GNAT3: variants seen among roughly 807,000 people sequenced by gnomAD.
GNAT3 encodes guanine nucleotide-binding protein G(t) subunit alpha-3.
GNAT3 carries 31 observed loss-of-function variants against 37.7 expected under a neutral mutation model. That is an observed-to-expected ratio of 0.82 (90% CI 0.62 to 1.11). The LOEUF is 1.11. GNAT3 is among the 50% of genes most tolerant of loss of function. The pLI, the probability that GNAT3 is intolerant of heterozygous loss-of-function variation, is 0.00. For synonymous variants in GNAT3, 138 were observed against 139.8 expected (o/e 0.99, Z 0.09); for missense variants, 437 against 412.5 (o/e 1.06, Z -0.51).
intron 1 of GNAT3, among the ~76,000 whole-genome samples, chr7:80,497,552 G>A (rs575850559): frequency 4.6e-5 from 6 of 130,254 alleles, no homozygotes; most frequent in Admixed American, 1.6e-4. Context: ...ACACATATAC[G>A]TATATACATA....
intron 1 of GNAT3, among the ~76,000 whole-genome samples, chr7:80,507,590 G>A (rs115404636): frequency 6.6e-6 from 1 of 151,872 alleles, no homozygotes. Context: ...CTAGCCTAAG[G>A]TCACTCTGGG....
intron 1 of GNAT3, among the ~76,000 whole-genome samples, chr7:80,509,465 G>C (rs1791014241): frequency 6.6e-6 from 1 of 152,064 alleles, no homozygotes; most frequent in Non-Finnish European, 1.5e-5. Context: ...TGATGAAATT[G>C]TATGTATAAA....
chr7:80,495,037 C>T (rs986032792), intron 1 of GNAT3, among the ~76,000 whole-genome samples: 2 of 152,012 alleles, frequency 1.3e-5, no homozygotes, highest in Non-Finnish European at 2.9e-5. Flanking sequence ...TCTCCAGTTC[C>T]ATCCATTTGC....
intron 3 of GNAT3, among the ~76,000 whole-genome samples, chr7:80,481,450 C>A (rs1790391241): frequency 6.6e-6 from 1 of 152,154 alleles, no homozygotes; most frequent in Non-Finnish European, 1.5e-5. Context: ...AACATTGAAA[C>A]AGAGATCTTA....
In GNAT3 at chr7:80,488,576, T is replaced by C. The variant is rs761717231; in HGVS notation, c.262A>G (p.Met88Val). The C allele has an allele frequency of 1.9e-6, 3 of 1,601,060 alleles. No homozygotes were observed. The highest frequency in any genetic ancestry group is 1.1e-5 in the South Asian group (1 of 88,910). The change falls in exon 3 of 8, where the codon ATG becomes GTG. Residue 88 changes from methionine to valine, a missense_variant. Coordinates refer to ENST00000398291, the MANE Select transcript of GNAT3 (RefSeq NM_001102386.3). ...LQSILAIVKAMTTLGIDYVNP... is the reference protein window; with the variant it reads ...LQSILAIVKAVTTLGIDYVNP... ...ACATAATCAATTCCAAGGGTAGTCATGGCTTTCACAATAGCTAGGATGGAT... is the reference window on the plus strand; with the variant it reads ...ACATAATCAATTCCAAGGGTAGTCACGGCTTTCACAATAGCTAGGATGGAT...
chr7:80,461,325 A>G (rs1007868226), intron 7 of GNAT3, among the ~76,000 whole-genome samples: 1 of 152,076 alleles, frequency 6.6e-6, no homozygotes, highest in Non-Finnish European at 1.5e-5. Flanking sequence ...AGGTGGACAG[A>G]TCACCTGAGG....
intron 3 of GNAT3, among the ~76,000 whole-genome samples, chr7:80,486,109 A>C (rs2116185534): frequency 6.6e-6 from 1 of 152,342 alleles, no homozygotes; most frequent in South Asian, 2.1e-4. Flanking sequence ...TCTGTTAAAT[A>C]AACAATTTTA....
chr7:80,509,463 TTG>T (rs1791014189), intron 1 of GNAT3, among the ~76,000 whole-genome samples: 1 of 152,126 alleles, frequency 6.6e-6, no homozygotes, highest in Non-Finnish European at 1.5e-5. Context: ...AATGATGAAA[TTG>T]TATGTATAAA....
chr7:80,481,171 T>C (rs923770710), intron 3 of GNAT3, among the ~76,000 whole-genome samples: 1 of 152,212 alleles, frequency 6.6e-6, no homozygotes, highest in Admixed American at 6.5e-5. Flanking sequence ...TAACTTATTC[T>C]ATCTTTCTTC....
rs577839922 is a variant in GNAT3, at chr7:80,483,627, C to G, written c.304-4629G>C. ...TTTTGATCCCCTCTTTCCCTCCTTT[C>G]TCCCTTTCTCTCCCTGCCACCAAGA... On this transcript the variant is annotated intron_variant, in intron 3 of 7. Coordinates refer to ENST00000398291, the MANE Select transcript of GNAT3 (RefSeq NM_001102386.3). Among the ~76,000 whole-genome samples, 7 of 152,192 alleles carry G rather than the reference C, an allele frequency of 4.6e-5. No homozygotes were observed. In the South Asian group the frequency reaches 1.5e-3, roughly 32 times the overall value.
intron 1 of GNAT3, among the ~76,000 whole-genome samples, chr7:80,501,472 G>A (rs1051155395): frequency 1.3e-5 from 2 of 151,854 alleles, no homozygotes; most frequent in African/African-American, 4.8e-5. Context: ...GCATGCTTAA[G>A]AAAATTTATA....
chr7:80,505,401 T>C (rs140203032), intron 1 of GNAT3, among the ~76,000 whole-genome samples: 15 of 152,324 alleles, frequency 9.8e-5, no homozygotes, highest in African/African-American at 2.9e-4. Context: ...AGAGTCTCAC[T>C]CTGTGCCCAG....
intron 2 of GNAT3, among the ~76,000 whole-genome samples, chr7:80,492,787 C>T (rs1459623475): frequency 6.6e-6 from 1 of 151,288 alleles, no homozygotes; most frequent in Non-Finnish European, 1.5e-5. Flanking sequence ...TTACAAATAG[C>T]AATTAAAAAT....
chr7:80,499,558 T>A (rs1790795717), intron 1 of GNAT3, among the ~76,000 whole-genome samples: 1 of 152,164 alleles, frequency 6.6e-6, no homozygotes. Context: ...TTGAAAGCAG[T>A]GTACTTTCAG....
At chr7:80,467,121 T>C (rs1387000368) in intron 5 of GNAT3, among the ~76,000 whole-genome samples, 1 of 152,180 alleles carries the variant, frequency 6.6e-6, no homozygotes, top group Non-Finnish European at 1.5e-5. Flanking sequence ...TCACGTACTA[T>C]GACCTTTAGC....
chr7:80,500,445 T>C (rs1400008184), intron 1 of GNAT3, among the ~76,000 whole-genome samples: 1 of 152,122 alleles, frequency 6.6e-6, no homozygotes, highest in Non-Finnish European at 1.5e-5. Flanking sequence ...TGTCACTATA[T>C]CCTTCCAAAC....
chr7:80,504,265 G>A (rs998707060), intron 1 of GNAT3, among the ~76,000 whole-genome samples: 27 of 151,958 alleles, frequency 1.8e-4, no homozygotes, highest in Admixed American at 5.9e-4. Flanking sequence ...GCAGTGAGAC[G>A]TAATTGCACC....
At chr7:80,495,150 G>A (rs1339075529) in intron 1 of GNAT3, among the ~76,000 whole-genome samples, 2 of 151,904 alleles carry the variant, frequency 1.3e-5, no homozygotes, top group Admixed American at 1.3e-4. Context: ...TGGACACTTA[G>A]GTTGATTCCA....
At chr7:80,489,069 G>A (rs888494650) in intron 2 of GNAT3, among the ~76,000 whole-genome samples, 1 of 152,064 alleles carries the variant, frequency 6.6e-6, no homozygotes, top group Non-Finnish European at 1.5e-5. Context: ...TAGAGGAAGC[G>A]AAGTCATTTA....
Sources: allele counts gnomAD v4.1 joint callset (sites outside exome capture counted in the v4.1 genomes callset), GRCh38; gene constraint gnomAD v4.1.1; transcripts MANE v1.5; gene names NCBI Gene and HGNC (gene_info 2026-07-23, HGNC 2026-07-21).